The following MID1 variants were observed in gnomAD, a reference collection of about 807,000 sequenced individuals.
The protein encoded by MID1 is midline 1, also known as E3 ubiquitin-protein ligase Midline-1.
In MID1, 7 loss-of-function variants were observed where a neutral mutation model predicts 40.4. The ratio of observed to expected loss-of-function variants is 0.17; its 90% CI spans 0.10 to 0.33. The LOEUF (loss-of-function observed/expected upper bound fraction) is 0.33, where lower values mean the gene tolerates loss of function less well. Among genes scored for constraint, MID1 ranks in the 10% least tolerant of loss-of-function variants. MID1 has a pLI of 1.00. For missense variants in MID1, 367 were observed against 558.5 expected (o/e 0.66, Z 3.46); for synonymous variants, 229 against 221.2 (o/e 1.04, Z -0.31).
rs183114910 is a variant in MID1 at position 10,715,499 on chromosome X, G to A, written c.-186-95080C>T. On this transcript the variant is annotated intron_variant, in intron 1 of 10. Transcript: ENST00000380785. ...GCAAGGTGGCAGCGAGGCTGGGGGA[G>A]GGGCGCCTGTCATTGCTGAGGCTTG... Among the ~76,000 whole-genome samples the A allele has an allele frequency of 3.1e-3, 344 of 111,930 alleles. 2 individuals carry two copies. The highest frequency in any genetic ancestry group is 0.011 in the African/African-American group (330 of 30,878).
intron 1 of MID1, among the ~76,000 whole-genome samples, chrX:10,816,586 C>T (rs1282554576): frequency 8.9e-6 from 1 of 111,858 alleles, no homozygotes; most frequent in African/African-American, 3.3e-5. Context: ...AAGATTTTCT[C>T]ACTATCCCTA....
rs771245462 is a variant in MID1, at chrX:10,635,868, T to C, written c.-186-15449A>G. On this transcript the variant is annotated intron_variant, in intron 1 of 10. Coordinates refer to the MID1 transcript ENST00000380785. ...GGTCATTGTCTGTCACAGTCATGTC[T>C]TCACTCGTGAAGATTGAAAGCAATG... 6.2e-5 allele frequency among the ~76,000 whole-genome samples: 7 copies of C among 112,357 alleles called. No homozygotes were observed. In the East Asian group the frequency reaches 1.9e-3, roughly 31 times the overall value.
intron 1 of MID1, among the ~76,000 whole-genome samples, chrX:10,577,641 C>T (rs1934907343): frequency 1.0e-5 from 1 of 98,107 alleles, no homozygotes; most frequent in Non-Finnish European, 1.9e-5. Context: ...ATAAAAACAT[C>T]GTGTGTGTAT....
chrX:10,545,739 G>A (rs901370676), intron 2 of MID1, among the ~76,000 whole-genome samples: 1 of 111,879 alleles, frequency 8.9e-6, no homozygotes, highest in African/African-American at 3.3e-5. Flanking sequence ...TGAAGGAGAA[G>A]GAGAAGGAGC....
At chrX:10,798,594 T>G (rs145713172) in intron 1 of MID1, among the ~76,000 whole-genome samples, 289 of 111,939 alleles carry the variant, frequency 2.6e-3, no homozygotes, top group African/African-American at 8.3e-3. Context: ...AGAAGAAAAA[T>G]TCTGGGCTGT....
chrX:10,668,562 G>A (rs2042964868), intron 1 of MID1, among the ~76,000 whole-genome samples: 1 of 112,274 alleles, frequency 8.9e-6, no homozygotes, highest in Non-Finnish European at 1.9e-5. Context: ...TATATGGCAA[G>A]GCAATAGATA....
intron 3 of MID1, among the ~76,000 whole-genome samples, chrX:10,503,538 G>A (rs897188734): frequency 1.6e-4 from 18 of 112,327 alleles, no homozygotes; most frequent in African/African-American, 4.8e-4. Context: ...TAAACTCCAA[G>A]AAAGGCTTTT....
chrX:10,455,303 G>A (rs774757414), intron 8 of MID1, among the ~76,000 whole-genome samples: 2 of 111,849 alleles, frequency 1.8e-5, no homozygotes, highest in South Asian at 3.8e-4. Flanking sequence ...ATATTCAAAA[G>A]ACAATAGAGA....
intron 1 of MID1, among the ~76,000 whole-genome samples, chrX:10,744,873 A>C (rs2043548253): frequency 8.9e-6 from 1 of 112,003 alleles, no homozygotes; most frequent in South Asian, 3.8e-4. Context: ...AATTGGTCCA[A>C]TGGATGACAA....
chrX:10,721,699 G>A (rs763410712), intron 1 of MID1, among the ~76,000 whole-genome samples: 2 of 99,765 alleles, frequency 2.0e-5, no homozygotes, highest in East Asian at 3.1e-4. Flanking sequence ...TTGTTTTCTC[G>A]GGCAAAAGGG....
chrX:10,683,770 C>CTT (rs34917176), intron 1 of MID1, among the ~76,000 whole-genome samples: 1,815 of 45,067 alleles, frequency 0.04, 356 homozygotes, highest in Middle Eastern at 0.07. Flanking sequence ...TGCACGTCAT[C>CTT]TTTTTTTTTT....
At chrX:10,670,935 A>C (rs764808376) in intron 1 of MID1, among the ~76,000 whole-genome samples, 1 of 111,931 alleles carries the variant, frequency 8.9e-6, no homozygotes, top group Non-Finnish European at 1.9e-5. Context: ...TTGGTCATCT[A>C]TTTTTTATGA....
At chrX:10,552,652 CAA>C (rs1933960159) in intron 2 of MID1, among the ~76,000 whole-genome samples, 1 of 109,442 alleles carries the variant, frequency 9.1e-6, no homozygotes, top group East Asian at 2.9e-4. Flanking sequence ...GCAGAACCCA[CAA>C]ATATGGAGGG....
At chrX:10,818,735 T>C (rs1034645579) in intron 1 of MID1, among the ~76,000 whole-genome samples, 1 of 112,355 alleles carries the variant, frequency 8.9e-6, no homozygotes, top group Non-Finnish European at 1.9e-5. Flanking sequence ...GAGGGGATGA[T>C]ATTAGCCAGC....
intron 1 of MID1, among the ~76,000 whole-genome samples, chrX:10,755,235 C>T (rs1227268894): frequency 9.0e-6 from 1 of 111,617 alleles, no homozygotes; most frequent in Non-Finnish European, 1.9e-5. Flanking sequence ...AAGTGATTCA[C>T]GGAGAAGATT....
chrX:10,773,897 A>G (rs1240837712), intron 1 of MID1, among the ~76,000 whole-genome samples: 2 of 111,767 alleles, frequency 1.8e-5, no homozygotes, highest in Non-Finnish European at 3.8e-5. Context: ...AAGATACAGA[A>G]CTCCAAGAGT....
chrX:10,728,211 A>T (rs1353310030), intron 1 of MID1, among the ~76,000 whole-genome samples: 1 of 111,037 alleles, frequency 9.0e-6, no homozygotes, highest in Non-Finnish European at 1.9e-5. Flanking sequence ...GAAAAAACGT[A>T]GGCTGCAATA....
chrX:10,501,482 G>A (rs1300921817), intron 3 of MID1: 2 of 1,152,180 alleles, frequency 1.7e-6, no homozygotes, highest in African/African-American at 1.8e-5. Flanking sequence ...CCTGTAGGGA[G>A]TTGCTGACCC....
Position 10,477,700 on chromosome X carries a change from G to A in MID1, c.1014-2950C>T, listed in dbSNP as rs144991536. ...CTTTACAGCCATGTCTGGGACACAT[G>A]GGGCCAGTTTTCCAGAAGGTGGACG... On this transcript the variant is annotated intron_variant, in intron 5 of 9. Coordinates refer to ENST00000317552, the MANE Select transcript of MID1 (RefSeq NM_000381.4). 4.7e-3 allele frequency among the ~76,000 whole-genome samples: 531 copies of A among 112,054 alleles called. 4 individuals carry two copies. Among genetic ancestry groups the A allele is most frequent in the African/African-American group, 0.017 (510 of 30,846 alleles).
Sources: gnomAD v4.1 joint callset for allele counts (sites outside exome capture counted in the v4.1 genomes callset) on GRCh38, gnomAD v4.1.1 for gene constraint, MANE v1.5 for transcripts, NCBI Gene and HGNC (gene_info 2026-07-23, HGNC 2026-07-21) for gene names.